Variants in MACF1 observed in about 807,000 individuals in gnomAD.
MACF1 encodes microtubule actin crosslinking factor 1, also known as microtubule-actin cross-linking factor 1.
Under a neutral mutation model 854.8 loss-of-function variants are expected in MACF1, and 193 were observed. That is an observed-to-expected ratio of 0.23 (90% CI 0.20 to 0.25). The LOEUF is 0.25. MACF1 is among the 10% of genes least tolerant of loss of function. The pLI is 1.00. For synonymous variants in MACF1, 3,185 were observed against 3,226.7 expected (o/e 0.99, Z 0.44); for missense variants, 7,722 against 8,929.1 (o/e 0.86, Z 5.45).
At chr1:39,090,304 C>G (rs1329092564) in intron 2 of MACF1, among the ~76,000 whole-genome samples, 3 of 152,228 alleles carry the variant, frequency 2.0e-5, no homozygotes, top group Non-Finnish European at 4.4e-5. Context: ...TGTCCTGGAG[C>G]TTGGTTTCAG....
chr1:39,156,357 C>T (rs182893486), intron 2 of MACF1, among the ~76,000 whole-genome samples: 6 of 152,282 alleles, frequency 3.9e-5, no homozygotes, highest in East Asian at 3.9e-4. Context: ...TGGTGGCTTA[C>T]GCCAGGCCCC....
intron 2 of MACF1, among the ~76,000 whole-genome samples, chr1:39,131,564 C>T (rs554147552): frequency 8.5e-5 from 13 of 152,212 alleles, no homozygotes; most frequent in Admixed American, 3.9e-4. Context: ...TTGAGAGCTG[C>T]GAGAACATCT....
chr1:39,234,204 C>T (rs1323665109), intron 2 of MACF1, among the ~76,000 whole-genome samples: 1 of 151,942 alleles, frequency 6.6e-6, no homozygotes, highest in Non-Finnish European at 1.5e-5. Flanking sequence ...TACACAGACA[C>T]GGCAACCATC....
At position 39,385,437 on chromosome 1, in the gene MACF1, A is replaced by G. The variant is rs1288369532; in HGVS notation, c.13852A>G (p.Met4618Val). 2 of 1,613,328 alleles carry G rather than the reference A, an allele frequency of 1.2e-6. No homozygotes were observed. The highest frequency in any genetic ancestry group is 1.7e-6 in the Non-Finnish European group (2 of 1,179,538). ...CTTGGTGTCATTTCTATTTCAGTTTATGCTAAAGGAATTTGAAGCACGCAG... is the reference window on the plus strand; with the variant it reads ...CTTGGTGTCATTTCTATTTCAGTTTGTGCTAAAGGAATTTGAAGCACGCAG... ...LNAQKQQVQF[M>V]LKEFEARRQQ... The change falls in exon 57 of 101, where the codon ATG (methionine) becomes GTG (valine). Residue 4618 changes from methionine to valine, a missense_variant. Around this residue, in one of 15 missense-constraint regions of MACF1, gnomAD observed 2,807 missense variants for 3,235.8 expected, o/e 0.87. Coordinates refer to ENST00000564288, the MANE Select transcript of MACF1 (RefSeq NM_001394062.1).
intron 97 of MACF1, among the ~76,000 whole-genome samples, chr1:39,475,699 C>A (rs755769861): frequency 6.6e-6 from 1 of 151,878 alleles, no homozygotes; most frequent in Non-Finnish European, 1.5e-5. Context: ...GAGAGACCTA[C>A]GTTGGTGCCA....
At chr1:39,441,930 G>C in intron 74 of MACF1, 22 bp from the exon 75 acceptor site, 1 of 1,584,372 alleles carries the variant, frequency 6.3e-7, no homozygotes, top group Non-Finnish European at 8.7e-7. Context: ...GTTTTTGACT[G>C]TTTACTTGTC....
intron 2 of MACF1, among the ~76,000 whole-genome samples, chr1:39,233,808 T>TTTTTTTTTTTTTTTTTTG (rs755591226): frequency 3.0e-5 from 2 of 65,772 alleles, no homozygotes; most frequent in Non-Finnish European, 6.6e-5. Context: ...ATTTATTTTT[T>TTTTTTTTTTTTTTTTTTG]ATTGATAATT....
intron 1 of MACF1, among the ~76,000 whole-genome samples, chr1:39,225,410 GT>G (rs1644705342): frequency 6.6e-6 from 1 of 151,124 alleles, no homozygotes; most frequent in Non-Finnish European, 1.5e-5. Context: ...TAGAGACAGG[GT>G]TTCACCTTGT....
At chr1:39,441,491 A>G (rs995386763) in intron 74 of MACF1, among the ~76,000 whole-genome samples, 166 bp downstream of exon 74, 1 of 152,258 alleles carries the variant, frequency 6.6e-6, no homozygotes, top group African/African-American at 2.4e-5. Flanking sequence ...TAGTGAAAAA[A>G]GTAGCGACAT....
intron 2 of MACF1, among the ~76,000 whole-genome samples, chr1:39,130,087 T>A (rs1489354368): frequency 7.9e-5 from 12 of 152,168 alleles, no homozygotes. Flanking sequence ...TATTTTGGAC[T>A]CAAAGTCTTG....
At chr1:39,261,127 A>G (rs1645159352) in intron 6 of MACF1, among the ~76,000 whole-genome samples, 1 of 152,176 alleles carries the variant, frequency 6.6e-6, no homozygotes, top group African/African-American at 2.4e-5. Context: ...TACATTATGT[A>G]GATCATTTAT....
intron 2 of MACF1, among the ~76,000 whole-genome samples, chr1:39,179,128 G>A (rs1644070678): frequency 6.6e-6 from 1 of 152,146 alleles, no homozygotes; most frequent in African/African-American, 2.4e-5. Context: ...TCTTAGCCAG[G>A]GCTGCCTGCC....
intron 86 of MACF1, 123 bp downstream of exon 86, chr1:39,452,473 T>C: frequency 8.9e-7 from 1 of 1,125,760 alleles, no homozygotes; most frequent in Non-Finnish European, 1.3e-6. Flanking sequence ...AAATTGATAT[T>C]CTGAATGTTC....
At chr1:39,400,182 G>C (rs565578373) in intron 58 of MACF1, among the ~76,000 whole-genome samples, 1 of 152,248 alleles carries the variant, frequency 6.6e-6, no homozygotes, top group South Asian at 2.1e-4. Flanking sequence ...TGACAGTTTG[G>C]TGTAGTGAAA....
intron 2 of MACF1, among the ~76,000 whole-genome samples, chr1:39,183,186 G>A (rs1347086929): frequency 2.0e-5 from 3 of 152,180 alleles, no homozygotes; most frequent in African/African-American, 7.2e-5. Context: ...GGTTGCTAGG[G>A]GTTGAGGAGG....
chr1:39,226,362 A>G (rs1410174479), intron 1 of MACF1, among the ~76,000 whole-genome samples: 8 of 147,094 alleles, frequency 5.4e-5, no homozygotes, highest in Non-Finnish European at 8.9e-5. Context: ...TTTTTTTGAG[A>G]TGGAGTCTTG....
chr1:39,386,034 G>C (rs964352112), intron 57 of MACF1, 105 bp downstream of exon 57: 25 of 1,312,356 alleles, frequency 1.9e-5, no homozygotes, highest in Non-Finnish European at 2.6e-5. Context: ...TACGTAATTT[G>C]TAGACTCAGA....
chr1:39,203,307 A>G (rs1325267678), upstream of MACF1, among the ~76,000 whole-genome samples: 2 of 152,176 alleles, frequency 1.3e-5, no homozygotes, highest in African/African-American at 2.4e-5. Context: ...GGCTCAAGCC[A>G]TCTTCCCACC....
intron 78 of MACF1, among the ~76,000 whole-genome samples, chr1:39,443,182 C>T (rs1644154159): frequency 1.3e-5 from 2 of 152,190 alleles, no homozygotes; most frequent in South Asian, 4.1e-4. Context: ...CAAGTCAGGT[C>T]TCTTCCTATT....
Sources: gnomAD v4.1 joint callset for allele counts (sites outside exome capture counted in the v4.1 genomes callset) on GRCh38, gnomAD v4.1.1 for gene constraint, gnomAD v4.1.1 regional missense constraint, MANE v1.5 for transcripts, NCBI Gene and HGNC (gene_info 2026-07-23, HGNC 2026-07-21) for gene names.